The following SUPT3H variants were observed in gnomAD, a reference collection of about 807,000 sequenced individuals.
SUPT3H encodes the protein transcription initiation protein SPT3 homolog.
A neutral mutation model predicts 44.3 loss-of-function variants in SUPT3H; 44 were observed. The observed-to-expected ratio is 0.99, with a 90% CI of 0.78 to 1.28. SUPT3H has a LOEUF of 1.28. Among genes scored for constraint, SUPT3H ranks in the 50% most tolerant of loss-of-function variants. The pLI, the probability that SUPT3H is intolerant of heterozygous loss-of-function variation, is 0.00. For missense variants in SUPT3H, 380 were observed against 387.1 expected (o/e 0.98, Z 0.15); for synonymous variants, 124 against 125.6 (o/e 0.99, Z 0.09).
chr6:45,294,521 G>GTA (rs1287026199), intron 2 of SUPT3H, among the ~76,000 whole-genome samples: 1 of 151,978 alleles, frequency 6.6e-6, no homozygotes, highest in South Asian at 2.1e-4. Flanking sequence ...ATCCACATCA[G>GTA]TAAAGAGGAA....
chr6:45,218,450 C>T (rs1050381006), intron 2 of SUPT3H, among the ~76,000 whole-genome samples: 16 of 152,182 alleles, frequency 1.1e-4, no homozygotes, highest in African/African-American at 3.9e-4. Context: ...GTACTAGTGG[C>T]CGGGTACGGT....
intron 7 of SUPT3H, among the ~76,000 whole-genome samples, chr6:44,960,948 T>C (rs1775940345): frequency 6.6e-6 from 1 of 152,214 alleles, no homozygotes; most frequent in African/African-American, 2.4e-5. Flanking sequence ...AAATATGCTG[T>C]TATTGGGACC....
At chr6:45,162,963 G>C (rs1809273280) in intron 2 of SUPT3H, among the ~76,000 whole-genome samples, 1 of 152,090 alleles carries the variant, frequency 6.6e-6, no homozygotes, top group Non-Finnish European at 1.5e-5. Context: ...AGATCTGTAG[G>C]GTGTGAAGTG....
At chr6:45,165,386 C>A (rs1809673108) in intron 2 of SUPT3H, among the ~76,000 whole-genome samples, 1 of 152,152 alleles carries the variant, frequency 6.6e-6, no homozygotes, top group Non-Finnish European at 1.5e-5. Context: ...AGAAATGTGC[C>A]TATTTCCAGG....
chr6:44,967,024 T>C (rs914404190), intron 6 of SUPT3H, among the ~76,000 whole-genome samples: 2 of 152,210 alleles, frequency 1.3e-5, no homozygotes, highest in African/African-American at 4.8e-5. Context: ...TTTCTTTAGG[T>C]GTCATCAACA....
At position 45,371,360 on chromosome 6, in the gene SUPT3H, A is replaced by G. The variant is rs114173323; in HGVS notation, c.1-6059T>C. On this transcript the variant is annotated intron_variant, in intron 1 of 10. Transcript: ENST00000371459. ...GCATGTAAAAAATAGAGGAATTTGG[A>G]GTTTATAAAGGGTACTTCACCAGTA... 7.6e-3 allele frequency among the ~76,000 whole-genome samples: 1,145 copies of G among 151,594 alleles called. 10 individuals are homozygous for G. The highest frequency in any genetic ancestry group is 0.014 in the Non-Finnish European group (916 of 67,844).
intron 2 of SUPT3H, among the ~76,000 whole-genome samples, chr6:45,222,812 G>A (rs1367537412): frequency 1.3e-5 from 2 of 152,046 alleles, no homozygotes; most frequent in Non-Finnish European, 2.9e-5. Context: ...TTCAATGGGT[G>A]ACTATTAAAG....
At chr6:45,176,200 G>A (rs894688687) in intron 2 of SUPT3H, among the ~76,000 whole-genome samples, 4 of 151,046 alleles carry the variant, frequency 2.6e-5, no homozygotes, top group Admixed American at 6.6e-5. Context: ...GACAGTGGGC[G>A]CAGGTCAGTG....
chr6:44,838,903 C>A (rs1770423540), intron 10 of SUPT3H, among the ~76,000 whole-genome samples: 1 of 152,174 alleles, frequency 6.6e-6, no homozygotes, highest in African/African-American at 2.4e-5. Flanking sequence ...ACATATTACA[C>A]ATCTATATTT....
At chr6:44,988,242 G>A (rs1433123447) in intron 6 of SUPT3H, among the ~76,000 whole-genome samples, 1 of 151,876 alleles carries the variant, frequency 6.6e-6, no homozygotes, top group Non-Finnish European at 1.5e-5. Flanking sequence ...TGATCTAGAA[G>A]ATACTTGAAA....
chr6:44,909,352 C>T (rs1302582723), intron 10 of SUPT3H, among the ~76,000 whole-genome samples: 1 of 152,098 alleles, frequency 6.6e-6, no homozygotes, highest in East Asian at 1.9e-4. Flanking sequence ...AACTCCCTCC[C>T]TAATTATACT....
In SUPT3H at chr6:44,827,578, T is replaced by C. The variant is rs563922181; in HGVS notation, c.*2238A>G. Among the ~76,000 whole-genome samples the C allele has an allele frequency of 6.6e-6, 1 of 152,232 alleles. No homozygotes were observed. The highest frequency in any genetic ancestry group is 1.9e-4 in the East Asian group (1 of 5,188). ...CTATCTTCTGCTCTAACATTATGAT[T>C]ATTGAGAAAATAATTTACTGAAGTT... is the stretch of plus-strand genomic sequence containing the variant. On this transcript the variant is annotated 3_prime_UTR_variant, in exon 11 of 11. Coordinates refer to ENST00000371459, the MANE Select transcript of SUPT3H (RefSeq NM_003599.4).
intron 3 of SUPT3H, among the ~76,000 whole-genome samples, chr6:45,073,314 T>C (rs554937922): frequency 2.0e-5 from 3 of 152,120 alleles, no homozygotes; most frequent in East Asian, 3.9e-4. Context: ...TATCTACATA[T>C]ACCTTGTTAA....
intron 10 of SUPT3H, among the ~76,000 whole-genome samples, chr6:44,898,368 A>G (rs1164018613): frequency 1.3e-5 from 2 of 152,290 alleles, no homozygotes; most frequent in South Asian, 2.1e-4. Flanking sequence ...CTTGCTCTGG[A>G]GTAAGCCAGC....
At chr6:44,932,593 T>C (rs1259045420) in intron 10 of SUPT3H, 60 bp downstream of exon 10, 4 of 1,274,018 alleles carry the variant, frequency 3.1e-6, no homozygotes, top group Non-Finnish European at 4.3e-6. Flanking sequence ...TTTGACCACT[T>C]GAAAATCAAA....
chr6:45,369,405 T>A (rs1795672760), intron 1 of SUPT3H, among the ~76,000 whole-genome samples: 1 of 152,208 alleles, frequency 6.6e-6, no homozygotes, highest in African/African-American at 2.4e-5. Context: ...TTATTTTAGT[T>A]TATATTAGTT....
intron 3 of SUPT3H, among the ~76,000 whole-genome samples, chr6:45,022,415 G>GTTTTTTT (rs3053670): frequency 2.1e-5 from 3 of 141,562 alleles, no homozygotes; most frequent in Non-Finnish European, 3.1e-5. Flanking sequence ...TGGAATCACT[G>GTTTTTTT]TTTTTTTTTT....
At chr6:45,291,921 TAGA>T (rs1450835959) in intron 2 of SUPT3H, among the ~76,000 whole-genome samples, 3 of 152,076 alleles carry the variant, frequency 2.0e-5, no homozygotes. Flanking sequence ...GACATCCAAA[TAGA>T]AGAAGCAAAA....
intron 10 of SUPT3H, among the ~76,000 whole-genome samples, chr6:44,835,748 C>T (rs1769745538): frequency 2.0e-5 from 3 of 152,092 alleles, no homozygotes; most frequent in African/African-American, 7.2e-5. Context: ...CTCTGTCCCA[C>T]CCCACTCCCA....
Sources: gnomAD v4.1 joint callset for allele counts (sites outside exome capture counted in the v4.1 genomes callset) on GRCh38, gnomAD v4.1.1 for gene constraint, MANE v1.5 for transcripts, NCBI Gene and HGNC (gene_info 2026-07-23, HGNC 2026-07-21) for gene names.